Variants in RBM4 observed in about 807,000 individuals in gnomAD.
The protein encoded by RBM4 is RNA-binding protein 4.
In RBM4, 7 loss-of-function variants were observed where a neutral mutation model predicts 29.5. The ratio of observed to expected loss-of-function variants is 0.24; its 90% CI spans 0.14 to 0.45. RBM4 has a LOEUF of 0.45. Ranked by LOEUF, RBM4 falls within the 20% of genes least tolerant of loss-of-function variation. The probability of loss-of-function intolerance (pLI) is 1.00; values close to 1 mark genes in which losing one functional copy is unlikely to be tolerated. For synonymous variants in RBM4, 220 were observed against 205.4 expected, an observed-to-expected ratio of 1.07 and a Z score of -0.61; for missense variants, 387 against 502.3, an observed-to-expected ratio of 0.77 and a Z score of 2.19.
intron 2 of RBM4, among the ~76,000 whole-genome samples, chr11:66,659,822 A>T (rs1204763262): frequency 2.0e-5 from 3 of 152,182 alleles, no homozygotes; most frequent in African/African-American, 7.2e-5. Flanking sequence ...TCTCCCACCA[A>T]GATGACTACA....
At chr11:66,645,886 T>G in intron 3 of RBM4, 141 bp from the exon 4 acceptor site, 1 of 1,428,130 alleles carries the variant, frequency 7.0e-7, no homozygotes, top group Admixed American at 2.2e-5. Flanking sequence ...TGTTAGAGAT[T>G]ACTGTGATAC....
At chr11:66,664,511 A>C (rs1939159028) in intron 2 of RBM4, among the ~76,000 whole-genome samples, 1 of 150,812 alleles carries the variant, frequency 6.6e-6, no homozygotes, top group Non-Finnish European at 1.5e-5. Context: ...TCCAGGCTGG[A>C]GTGCAATGGT....
intron 2 of RBM4, chr11:66,665,736 C>T (rs1939205015): frequency 7.4e-7 from 1 of 1,350,032 alleles, no homozygotes; most frequent in Admixed American, 2.3e-5. Context: ...CATGTAATTA[C>T]CTAGGAGTCT....
downstream of RBM4, among the ~76,000 whole-genome samples, chr11:66,650,844 C>G (rs1320732920): frequency 6.6e-6 from 1 of 152,124 alleles, no homozygotes; most frequent in Non-Finnish European, 1.5e-5. Flanking sequence ...GCCGGGGCAA[C>G]AGAGCTAGAC....
At chr11:66,638,961 C>T (rs1938308727) in intron 1 of RBM4, 1 of 152,098 alleles carries the variant, frequency 6.6e-6, no homozygotes, top group African/African-American at 2.4e-5. Context: ...CCCACCCTGT[C>T]CCGCGCCCGA....
Position 66,639,819 on chromosome 11 carries a change from T to C in RBM4, c.108T>C (p.Asn36=). 7 of 1,614,106 alleles carry C rather than the reference T, an allele frequency of 4.3e-6. No individual in the cohort carries two copies. The highest frequency in any genetic ancestry group is 5.9e-6 in the Non-Finnish European group (7 of 1,180,014). ...GKVLECDIIK[N]YGFVHIEDKT... The stretch of plus-strand genomic sequence containing the variant: ...TGCTGGAATGTGACATCATTAAGAA[T>C]TACGGCTTTGTGCACATAGAAGACA... The change falls in exon 2 of 4, where the codon AAT becomes AAC. Residue 36 remains asparagine (N), a synonymous_variant. Transcript: ENST00000310092.
At chr11:66,655,134 C>T (rs1024786241) in intron 2 of RBM4, among the ~76,000 whole-genome samples, 4 of 151,998 alleles carry the variant, frequency 2.6e-5, no homozygotes, top group African/African-American at 9.7e-5. Context: ...TACAGGCATG[C>T]ACCACCACGC....
At chr11:66,666,328 C>T in exon 3 of RBM4, 10 of 1,022,794 alleles carry the variant, frequency 9.8e-6, no homozygotes, top group Non-Finnish European at 1.2e-5. Context: ...TGATCTGTGC[C>T]AATCGACTTC....
At chr11:66,638,932 A>T (rs183758436) in intron 1 of RBM4, 180 bp downstream of exon 1, 12 of 151,678 alleles carry the variant, frequency 7.9e-5, no homozygotes, top group Admixed American at 7.9e-4. Context: ...GCCCCCTGAG[A>T]ATACCTTGCT....
intron 2 of RBM4, among the ~76,000 whole-genome samples, chr11:66,662,220 T>TAA (rs1357864662): frequency 6.6e-6 from 1 of 152,064 alleles, no homozygotes; most frequent in Non-Finnish European, 1.5e-5. Flanking sequence ...AAAAACTCAG[T>TAA]TTCTCAGTGG....
intron 2 of RBM4, among the ~76,000 whole-genome samples, chr11:66,663,780 C>A (rs1251918476): frequency 6.6e-6 from 1 of 151,648 alleles, no homozygotes; most frequent in Non-Finnish European, 1.5e-5. Flanking sequence ...ACTATGAAGT[C>A]AAATTTAGTT....
rs954196736 is a variant in RBM4 at position 66,639,811 on chromosome 11, A to G, written c.100A>G (p.Ile34Val). 1.2e-6 allele frequency: 2 copies of G among 1,614,080 alleles called. No homozygotes were observed. The highest frequency in any genetic ancestry group is 1.3e-5 in the African/African-American group (1 of 74,926). Residue 34 changes from isoleucine to valine, a missense_variant, in exon 2 of 4, where the codon ATT (isoleucine) becomes GTT (valine). By Grantham distance (29) the Ile-to-Val change is conservative. Around this residue, in one of 2 missense-constraint regions of RBM4, gnomAD observed 106 missense variants for 213.6 expected, o/e 0.50. Coordinates refer to ENST00000310092, the MANE Select transcript of RBM4 (RefSeq NM_002896.4). ...QYGKVLECDI[I>V]KNYGFVHIED... ...TGGGAAGGTGCTGGAATGTGACATC[A>G]TTAAGAATTACGGCTTTGTGCACAT...
intron 2 of RBM4, among the ~76,000 whole-genome samples, chr11:66,660,129 C>CTTT (rs778565169): frequency 1.6e-5 from 2 of 127,442 alleles, no homozygotes; most frequent in Admixed American, 8.0e-5. Flanking sequence ...GCCTCAGGGC[C>CTTT]TTTTTTTTTT....
intron 3 of RBM4, chr11:66,644,442 T>C (rs898724183): frequency 1.1e-5 from 3 of 279,482 alleles, no homozygotes; most frequent in Non-Finnish European, 1.9e-5. Context: ...TATACTATAA[T>C]TGAACCTTAC....
In RBM4 at chr11:66,643,880, A is replaced by AGCTGCTGCCACAGCT; in HGVS notation, c.852_866dup (p.Thr285_Ala289dup). ...ATAGACACCTGTTGCCGACCTCAGG[A>AGCTGCTGCCACAGCT]GCTGCTGCCACAGCTGCTGCTGCAG... On this transcript the variant is annotated inframe_insertion, in exon 3 of 4. Coordinates refer to ENST00000310092, the MANE Select transcript of RBM4 (RefSeq NM_002896.4). This position sits in a 1 kb window ranked among gnomAD's most constrained non-coding sequence, Gnocchi z 6.1. The AGCTGCTGCCACAGCT allele has an allele frequency of 6.2e-7, 1 of 1,613,490 alleles. No homozygotes were observed. Among genetic ancestry groups the AGCTGCTGCCACAGCT allele is most frequent in the Non-Finnish European group, 8.5e-7 (1 of 1,179,804 alleles).
intron 1 of RBM4, 168 bp from the exon 2 acceptor site, chr11:66,639,532 T>TA: frequency 1.2e-6 from 1 of 823,340 alleles, no homozygotes; most frequent in Admixed American, 2.9e-5. Flanking sequence ...GCGGCTACTA[T>TA]AGCAGGCCTT....
At chr11:66,663,702 A>ATGTGTG (rs66797662) in intron 2 of RBM4, among the ~76,000 whole-genome samples, 1,762 of 148,472 alleles carry the variant, frequency 0.012, 16 homozygotes, top group East Asian at 0.03. Context: ...GTGTGTGTAT[A>ATGTGTG]TGTGTGTGTG....
At chr11:66,661,481 C>T (rs1177386691) in intron 2 of RBM4, among the ~76,000 whole-genome samples, 1 of 152,176 alleles carries the variant, frequency 6.6e-6, no homozygotes, top group African/African-American at 2.4e-5. Flanking sequence ...GGCCTAGTGT[C>T]TTTCTGTGCC....
At chr11:66,648,499 G>A (rs943096634), downstream of RBM4, among the ~76,000 whole-genome samples, 2 of 151,866 alleles carry the variant, frequency 1.3e-5, no homozygotes, top group African/African-American at 4.8e-5. Context: ...TACAGCCTGG[G>A]TGTCTCAAAA....
Sources: allele counts gnomAD v4.1 joint callset (sites outside exome capture counted in the v4.1 genomes callset), GRCh38; gene constraint gnomAD v4.1.1; regional missense constraint gnomAD v4.1.1; non-coding constraint Gnocchi (gnomAD v3.1); transcripts MANE v1.5; gene names NCBI Gene and HGNC (gene_info 2026-07-23, HGNC 2026-07-21).